DAO: variants seen among roughly 807,000 people sequenced by gnomAD.
DAO encodes the protein D-amino acid oxidase.
DAO carries 51 observed loss-of-function variants against 50.1 expected under a neutral mutation model. The ratio of observed to expected loss-of-function variants is 1.02; its 90% CI spans 0.81 to 1.29. The LOEUF is 1.29. Ranked by LOEUF, DAO falls within the 50% of genes most tolerant of loss-of-function variation. The pLI is 0.00. For missense variants in DAO, 436 were observed against 439.4 expected (o/e 0.99, Z 0.07); for synonymous variants, 160 against 166.2 (o/e 0.96, Z 0.29).
chr12:108,897,737 C>T (rs1290614803), intron 8 of DAO, among the ~76,000 whole-genome samples: 3 of 151,962 alleles, frequency 2.0e-5, no homozygotes, highest in South Asian at 2.1e-4. Flanking sequence ...TTCTTGAGCC[C>T]AGGAGTTCAA....
chr12:108,895,552 ATG>A (rs762250468), intron 7 of DAO, among the ~76,000 whole-genome samples: 1 of 140,536 alleles, frequency 7.1e-6, no homozygotes, highest in Non-Finnish European at 1.5e-5. Context: ...GTGTGTGTGC[ATG>A]TGTGTGAAGG....
intron 1 of DAO, among the ~76,000 whole-genome samples, chr12:108,883,163 T>C (rs1206208395): frequency 6.6e-6 from 1 of 152,004 alleles, no homozygotes; most frequent in African/African-American, 2.4e-5. Context: ...CTTTTTTTTT[T>C]TGAGGCAGAA....
intron 8 of DAO, 84 bp from the exon 9 acceptor site, chr12:108,898,595 G>A: frequency 1.1e-6 from 1 of 910,968 alleles, no homozygotes; most frequent in Admixed American, 1.7e-5. Context: ...TGTTAGCAGA[G>A]GTGACAAGGT....
Position 108,889,516 on chromosome 12 carries a change from C to T in DAO, c.357C>T (p.Pro119=). Residue 119 remains proline, a synonymous_variant, in exon 4 of 11, where the codon CCC becomes CCT. Coordinates refer to ENST00000228476, the MANE Select transcript of DAO (RefSeq NM_001917.5). ...TTCTGGGATTTCGGAAGCTGACCCC[C>T]AGAGAGCTGGATATGTTCCCAGATT... ...DTVLGFRKLT[P]RELDMFPDYG... 1.2e-6 allele frequency: 2 copies of T among 1,613,150 alleles called. No individual in the cohort carries two copies. Among genetic ancestry groups the T allele is most frequent in the South Asian group, 1.1e-5 (1 of 91,060 alleles).
chr12:108,899,207 A>T (rs914914508), intron 9 of DAO, among the ~76,000 whole-genome samples, 170 bp from the exon 10 acceptor site: 2 of 152,112 alleles, frequency 1.3e-5, no homozygotes. Context: ...AATGGTAATG[A>T]TGTTGGTAGC....
intron 1 of DAO, 187 bp downstream of exon 1, chr12:108,880,411 C>G (rs900246378): frequency 3.9e-5 from 12 of 310,826 alleles, no homozygotes; most frequent in African/African-American, 2.6e-4. Flanking sequence ...TTTTCCCTCC[C>G]CAAGCCTCAG....
chr12:108,882,097 T>C (rs2039387763), intron 1 of DAO, among the ~76,000 whole-genome samples: 2 of 152,244 alleles, frequency 1.3e-5, no homozygotes, highest in Admixed American at 6.5e-5. Context: ...AGCATGGCAT[T>C]TAAGCACCTA....
At chr12:108,893,548 T>TC (rs1369541246) in intron 6 of DAO, among the ~76,000 whole-genome samples, 1 of 152,156 alleles carries the variant, frequency 6.6e-6, no homozygotes, top group Admixed American at 6.5e-5. Flanking sequence ...AGGAAGGCGC[T>TC]CCGTACATGT....
chr12:108,892,706 T>C (rs1289303741), intron 5 of DAO, among the ~76,000 whole-genome samples: 1 of 152,170 alleles, frequency 6.6e-6, no homozygotes, highest in Non-Finnish European at 1.5e-5. Context: ...AACTCCATCA[T>C]TGACTCACTC....
At chr12:108,892,954 G>C in intron 5 of DAO, 28 bp from the exon 6 acceptor site, 2 of 1,611,308 alleles carry the variant, frequency 1.2e-6, no homozygotes, top group Non-Finnish European at 1.7e-6. Context: ...CTGAATACTG[G>C]GCTTTTTGAT....
intron 3 of DAO, among the ~76,000 whole-genome samples, chr12:108,888,114 G>A (rs1372350292): frequency 2.6e-5 from 4 of 152,318 alleles, no homozygotes; most frequent in Admixed American, 2.0e-4. Flanking sequence ...CACAGAGCTC[G>A]CCAGTGGCAG....
chr12:108,885,019 G>A lies in DAO; in HGVS notation c.13G>A (p.Val5Met). MRVV[V>M]IGAGVIGLST... ...ACAGGCTGCTGCAATGCGTGTGGTG[G>A]TGATTGGAGCAGGAGTCATCGGGCT... Residue 5 changes from valine to methionine, a missense_variant, in exon 2 of 11, where the codon GTG (valine) becomes ATG (methionine). Coordinates refer to ENST00000228476, the MANE Select transcript of DAO (RefSeq NM_001917.5). 2 of 1,614,134 alleles carry A rather than the reference G, an allele frequency of 1.2e-6. No individual in the cohort carries two copies. Among genetic ancestry groups the A allele is most frequent in the Non-Finnish European group, 1.7e-6 (2 of 1,180,020 alleles).
chr12:108,889,336 C>G (rs1240348002), intron 3 of DAO, 133 bp from the exon 4 acceptor site: 1 of 633,780 alleles, frequency 1.6e-6, no homozygotes, highest in African/African-American at 1.8e-5. Context: ...TCTGGAGCTC[C>G]TGACCTCAGG....
Position 108,894,308 on chromosome 12 carries a change from T to C in DAO, c.553T>C (p.Trp185Arg). 6.2e-7 allele frequency: 1 copy of C among 1,613,998 alleles called. No homozygotes were observed. Among genetic ancestry groups the C allele is most frequent in the South Asian group, 1.1e-5 (1 of 91,052 alleles). The change falls in exon 7 of 11, where the codon TGG (tryptophan) becomes CGG (arginine). Residue 185 changes from tryptophan to arginine, a missense_variant. Transcript: ENST00000228476. ...CGTGATTGTCAACTGCACTGGGGTA[T>C]GGGCTGGGGCGCTACAACGAGACCC... ...ADVIVNCTGV[W>R]AGALQRDPLL...
chr12:108,892,228 T>C (rs1593163126), intron 5 of DAO, among the ~76,000 whole-genome samples: 1 of 141,510 alleles, frequency 7.1e-6, no homozygotes, highest in East Asian at 2.3e-4. Flanking sequence ...AGTGGCGCAA[T>C]CTCGGCTCAC....
At chr12:108,900,264 T>A in intron 10 of DAO, 140 bp from the exon 11 acceptor site, 1 of 1,068,582 alleles carries the variant, frequency 9.4e-7, no homozygotes, top group Non-Finnish European at 1.4e-6. Context: ...TCCACCCCGG[T>A]GCCAAGAGAA....
rs144291959 is a variant in DAO, at chr12:108,898,344, T to C, written c.696-335T>C. On this transcript the variant is annotated intron_variant, in intron 8 of 10. Coordinates refer to ENST00000228476, the MANE Select transcript of DAO (RefSeq NM_001917.5). ...CTCAAAGGCAATGTTAATAACATGG[T>C]TGCACCAACCATGTTATCTCAATGG... 3.9e-3 allele frequency: 1,443 copies of C among 367,038 alleles called. 3 individuals are homozygous for C. Among genetic ancestry groups the C allele is most frequent in the Non-Finnish European group, 6.4e-3 (1,197 of 188,224 alleles). The allele number at this position is 367,038 out of a possible 1,614,324, so 22.7% of individuals were successfully genotyped here.
Position 108,885,217 on chromosome 12 carries a change from T to C in DAO, c.194+17T>C. On this transcript the variant is annotated intron_variant, in intron 2 of 10. Coordinates refer to ENST00000228476, the MANE Select transcript of DAO (RefSeq NM_001917.5). ...ACAGGAGGCGTGAGTGAGGGTCACA[T>C]AGGGTAGCCTGGGGTGCCCATGGAC... 1.9e-6 allele frequency: 3 copies of C among 1,608,786 alleles called. No homozygotes were observed. The highest frequency in any genetic ancestry group is 2.5e-6 in the Non-Finnish European group (3 of 1,179,112).
intron 2 of DAO, among the ~76,000 whole-genome samples, chr12:108,885,990 G>C (rs546224819): frequency 6.6e-6 from 1 of 152,324 alleles, no homozygotes; most frequent in African/African-American, 2.4e-5. Context: ...GACCTCAAGT[G>C]ATCTGCCCAC....
Sources: allele counts gnomAD v4.1 joint callset (sites outside exome capture counted in the v4.1 genomes callset), GRCh38; gene constraint gnomAD v4.1.1; transcripts MANE v1.5; gene names NCBI Gene and HGNC (gene_info 2026-07-23, HGNC 2026-07-21).